The following SH3RF3 variants were observed in gnomAD, a reference collection of about 807,000 sequenced individuals.
SH3RF3 encodes E3 ubiquitin-protein ligase SH3RF3.
Under a neutral mutation model 66.3 loss-of-function variants are expected in SH3RF3, and 29 were observed. The ratio of observed to expected loss-of-function variants is 0.44; its 90% CI spans 0.33 to 0.60. The LOEUF (loss-of-function observed/expected upper bound fraction) is 0.60. SH3RF3 is among the 20% of genes least tolerant of loss of function. SH3RF3 has a pLI of 0.04. For missense variants in SH3RF3, 1,194 were observed against 1,190.9 expected (o/e 1.00, Z -0.04); for synonymous variants, 583 against 532.0 (o/e 1.10, Z -1.32).
intron 1 of SH3RF3, among the ~76,000 whole-genome samples, chr2:109,250,550 C>A (rs112882824): frequency 1.3e-5 from 2 of 151,682 alleles, no homozygotes; most frequent in African/African-American, 4.8e-5. Context: ...GACCGTTTTT[C>A]TTTTTCAAAA....
chr2:109,398,550 A>C, intron 3 of SH3RF3, 40 bp from the exon 4 acceptor site: 1 of 1,499,060 alleles, frequency 6.7e-7, no homozygotes, highest in South Asian at 1.3e-5. Context: ...GCATGTGACC[A>C]TGATTTAATG....
chr2:109,413,434 C>T (rs192449416), intron 4 of SH3RF3, among the ~76,000 whole-genome samples: 160 of 152,316 alleles, frequency 1.1e-3, no homozygotes, highest in Middle Eastern at 6.8e-3. Context: ...TTTTAGGATT[C>T]ATTCTTAACA....
chr2:109,353,685 C>A (rs565919608), intron 2 of SH3RF3, among the ~76,000 whole-genome samples: 20 of 151,932 alleles, frequency 1.3e-4, no homozygotes, highest in South Asian at 1.0e-3. Context: ...CAACCCTAGA[C>A]TGCGTGCCCA....
chr2:109,318,627 A>G (rs948692077), intron 1 of SH3RF3, among the ~76,000 whole-genome samples: 1 of 152,206 alleles, frequency 6.6e-6, no homozygotes, highest in African/African-American at 2.4e-5. Flanking sequence ...CACTGGGGGC[A>G]GCATTTGTCT....
rs1443078501 is a variant in SH3RF3 at position 109,398,584 on chromosome 2, A to T, written c.946-6A>T. The T allele has an allele frequency of 1.3e-6, 2 of 1,546,696 alleles. No homozygotes were observed. The highest frequency in any genetic ancestry group is 1.2e-5 in the South Asian group (1 of 84,296). Reference sequence around the variant, plus strand: ...TGCAGCCTCCCCTCTCCCCTTTCTCACTCAGCTCAATGACTCCGCCAAGCA... The same window carrying T: ...TGCAGCCTCCCCTCTCCCCTTTCTCTCTCAGCTCAATGACTCCGCCAAGCA... On this transcript the variant is annotated splice_polypyrimidine_tract_variant and splice_region_variant and intron_variant, in intron 3 of 9. Coordinates refer to ENST00000309415, the MANE Select transcript of SH3RF3 (RefSeq NM_001099289.3).
intron 8 of SH3RF3, among the ~76,000 whole-genome samples, chr2:109,471,722 C>T (rs1316492891): frequency 6.6e-6 from 1 of 152,214 alleles, no homozygotes; most frequent in Non-Finnish European, 1.5e-5. Context: ...CCCTTGCTGT[C>T]TCAGCCTCAC....
At chr2:109,417,346 A>G (rs1316075167) in intron 4 of SH3RF3, among the ~76,000 whole-genome samples, 2 of 152,138 alleles carry the variant, frequency 1.3e-5, no homozygotes, top group Non-Finnish European at 2.9e-5. Context: ...CTAGAAGGAA[A>G]GTGATCCTGG....
chr2:109,436,462 G>A (rs1677401494), intron 6 of SH3RF3, among the ~76,000 whole-genome samples: 2 of 152,194 alleles, frequency 1.3e-5, no homozygotes, highest in Admixed American at 6.5e-5. Context: ...CAGATGCGAG[G>A]TGGCAGTCGT....
chr2:109,170,743 C>T (rs1366070452), intron 1 of SH3RF3, among the ~76,000 whole-genome samples: 1 of 152,198 alleles, frequency 6.6e-6, no homozygotes, highest in Non-Finnish European at 1.5e-5. Context: ...GACCATGTGC[C>T]AGGCACTGGG....
chr2:109,457,339 A>G (rs1019212883), intron 8 of SH3RF3, among the ~76,000 whole-genome samples: 4 of 152,248 alleles, frequency 2.6e-5, no homozygotes, highest in African/African-American at 9.6e-5. Flanking sequence ...TATATGAACA[A>G]TGAAGGGAAC....
At chr2:109,137,618 T>G (rs1558919929) in intron 1 of SH3RF3, among the ~76,000 whole-genome samples, 1 of 152,232 alleles carries the variant, frequency 6.6e-6, no homozygotes, top group Non-Finnish European at 1.5e-5. Flanking sequence ...GATACATTCA[T>G]GGGTGACTGC....
intron 1 of SH3RF3, among the ~76,000 whole-genome samples, chr2:109,271,764 T>C (rs1370608086): frequency 6.6e-6 from 1 of 152,270 alleles, no homozygotes; most frequent in Non-Finnish European, 1.5e-5. Context: ...ATTGGACTTT[T>C]GTGGTATCAG....
intron 1 of SH3RF3, among the ~76,000 whole-genome samples, chr2:109,272,222 C>T (rs1196191541): frequency 6.6e-6 from 1 of 152,224 alleles, no homozygotes; most frequent in South Asian, 2.1e-4. Flanking sequence ...CAGCCTTTTT[C>T]CTAGTAAGCT....
At chr2:109,472,805 G>A (rs573477047) in intron 8 of SH3RF3, among the ~76,000 whole-genome samples, 20 of 152,242 alleles carry the variant, frequency 1.3e-4, no homozygotes, top group African/African-American at 3.9e-4. Flanking sequence ...CCAGACGCCC[G>A]TTGGAAATCC....
intron 1 of SH3RF3, among the ~76,000 whole-genome samples, chr2:109,232,963 A>G (rs1330607522): frequency 1.3e-5 from 2 of 151,824 alleles, no homozygotes; most frequent in Non-Finnish European, 2.9e-5. Context: ...CCCCTTTGTG[A>G]GACTTGCGAT....
Position 109,501,859 on chromosome 2 carries a change from C to T in SH3RF3, c.*188C>T, listed in dbSNP as rs1481437993. 7.1e-5 allele frequency: 41 copies of T among 579,994 alleles called. No individual in the cohort carries two copies. In the East Asian group the frequency reaches 8.1e-4, roughly 11 times the overall value. The allele number at this position is 579,994 out of a possible 1,614,324, so 35.9% of individuals were successfully genotyped here. A position where few individuals can be genotyped will look rare whatever the true frequency, so the allele number is the denominator to read the frequency against. On this transcript the variant is annotated 3_prime_UTR_variant, in exon 10 of 10. Coordinates refer to ENST00000309415, the MANE Select transcript of SH3RF3 (RefSeq NM_001099289.3). ...CGTGCCTTCTCCCAAAACCCCCAAA[C>T]GGAGAGCACACCTGGGATGTTCTTC...
At chr2:109,230,363 G>A (rs1679477551) in intron 1 of SH3RF3, among the ~76,000 whole-genome samples, 1 of 152,004 alleles carries the variant, frequency 6.6e-6, no homozygotes, top group Non-Finnish European at 1.5e-5. Context: ...GCTCTCTTGA[G>A]GCCAGGAGTT....
chr2:109,230,472 C>CG (rs1410062290), intron 1 of SH3RF3, among the ~76,000 whole-genome samples: 3 of 151,962 alleles, frequency 2.0e-5, no homozygotes, highest in South Asian at 2.1e-4. Flanking sequence ...CCCAGTTACT[C>CG]GGGGGGCTGA....
chr2:109,418,252 A>T (rs1676777291), intron 4 of SH3RF3, among the ~76,000 whole-genome samples: 1 of 152,058 alleles, frequency 6.6e-6, no homozygotes, highest in African/African-American at 2.4e-5. Context: ...TCCCTCCTTG[A>T]AGGGAGGTGG....
Sources: allele counts gnomAD v4.1 joint callset (sites outside exome capture counted in the v4.1 genomes callset), GRCh38; gene constraint gnomAD v4.1.1; transcripts MANE v1.5; gene names NCBI Gene and HGNC (gene_info 2026-07-23, HGNC 2026-07-21).